The following SLC35F1 variants were observed in gnomAD, a reference collection of about 807,000 sequenced individuals.
The protein encoded by SLC35F1 is chromosome 6 open reading frame 169.
SLC35F1 carries 14 observed loss-of-function variants against 48.7 expected under a neutral mutation model. That is an observed-to-expected ratio of 0.29 (90% CI 0.19 to 0.45). The LOEUF (loss-of-function observed/expected upper bound fraction) is 0.45, where lower values mean the gene tolerates loss of function less well. Ranked by LOEUF, SLC35F1 falls within the 20% of genes least tolerant of loss-of-function variation. SLC35F1 has a pLI of 1.00. For missense variants in SLC35F1, 404 were observed against 500.0 expected, an observed-to-expected ratio of 0.81 and a Z score of 1.83; for synonymous variants, 190 against 202.2, an observed-to-expected ratio of 0.94 and a Z score of 0.51.
intron 7 of SLC35F1, among the ~76,000 whole-genome samples, chr6:118,286,200 AAAG>A (rs1776047156): frequency 6.6e-6 from 1 of 152,326 alleles, no homozygotes; most frequent in East Asian, 1.9e-4. Context: ...TGGATAGCTG[AAAG>A]AAGAAGAGGC....
At chr6:118,066,334 A>G (rs1772613086) in intron 1 of SLC35F1, among the ~76,000 whole-genome samples, 1 of 152,188 alleles carries the variant, frequency 6.6e-6, no homozygotes, top group African/African-American at 2.4e-5. Context: ...ACGTCCTTTA[A>G]CACTGCTTTA....
chr6:117,917,673 A>C (rs1489861363), intron 1 of SLC35F1, among the ~76,000 whole-genome samples: 2 of 152,142 alleles, frequency 1.3e-5, no homozygotes, highest in African/African-American at 4.8e-5. Context: ...GGAATTAAAG[A>C]GTTTACTTTG....
rs189997267 is a variant in SLC35F1 at position 118,213,429 on chromosome 6, G to A, written c.350-22080G>A. ...TGGAGTATAAATTCATATACTTTGG[G>A]GAGTTACTTGGTTCAACTAGAATGT... On this transcript the variant is annotated intron_variant, in intron 2 of 7. Coordinates refer to ENST00000360388, the MANE Select transcript of SLC35F1 (RefSeq NM_001029858.4). Among the ~76,000 whole-genome samples, 6 of 152,238 alleles carry A rather than the reference G, an allele frequency of 3.9e-5. No individual in the cohort carries two copies. The East Asian group carries it at 9.6e-4, about 24-fold the overall frequency.
chr6:117,950,241 A>G (rs905679744), intron 1 of SLC35F1, among the ~76,000 whole-genome samples: 2 of 152,160 alleles, frequency 1.3e-5, no homozygotes, highest in African/African-American at 4.8e-5. Context: ...GGGGGCCCAT[A>G]CATCTAGCAA....
chr6:117,919,390 T>G, intron 1 of SLC35F1, among the ~76,000 whole-genome samples: 1 of 152,232 alleles, frequency 6.6e-6, no homozygotes, highest in East Asian at 1.9e-4. Flanking sequence ...GAATTTTACA[T>G]GCAATAACAT....
rs967949797 is a variant in SLC35F1, at chr6:118,237,284, A to G, written c.477+1648A>G. 4.0e-5 allele frequency among the ~76,000 whole-genome samples: 6 copies of G among 151,726 alleles called. No homozygotes were observed. The Middle Eastern group carries it at 0.01, about 258-fold the overall frequency. ...CATCACCTAGGACTCCCCCAGTTAC[A>G]TTTTCTTTATTTTGCGCAAGACCTC... On this transcript the variant is annotated intron_variant, in intron 3 of 7. Coordinates refer to ENST00000360388, the MANE Select transcript of SLC35F1 (RefSeq NM_001029858.4).
At chr6:118,146,443 G>A (rs1773974453) in intron 1 of SLC35F1, among the ~76,000 whole-genome samples, 1 of 152,106 alleles carries the variant, frequency 6.6e-6, no homozygotes, top group Non-Finnish European at 1.5e-5. Context: ...CCCTGCTTCT[G>A]AGACAGTAGG....
chr6:118,302,152 G>A (rs1776260341), intron 7 of SLC35F1, among the ~76,000 whole-genome samples: 1 of 152,104 alleles, frequency 6.6e-6, no homozygotes, highest in African/African-American at 2.4e-5. Context: ...ACACAATGCT[G>A]TGAAATATCT....
chr6:118,150,459 T>C (rs1007661676), intron 1 of SLC35F1, among the ~76,000 whole-genome samples: 2 of 152,186 alleles, frequency 1.3e-5, no homozygotes, highest in African/African-American at 4.8e-5. Context: ...ATATAACTAA[T>C]CTGTCATTTA....
intron 1 of SLC35F1, among the ~76,000 whole-genome samples, chr6:117,913,316 ATTC>A (rs976727109): frequency 5.9e-5 from 9 of 152,224 alleles, no homozygotes; most frequent in African/African-American, 2.2e-4. Context: ...ATATTCATTT[ATTC>A]TTAAGCAGTA....
At chr6:117,919,451 T>C (rs1483046960) in intron 1 of SLC35F1, among the ~76,000 whole-genome samples, 1 of 152,180 alleles carries the variant, frequency 6.6e-6, no homozygotes, top group Non-Finnish European at 1.5e-5. Context: ...GTTATCCTGG[T>C]CCCAAAATTA....
intron 1 of SLC35F1, among the ~76,000 whole-genome samples, chr6:117,983,824 G>A (rs1397351782): frequency 2.6e-5 from 4 of 152,120 alleles, no homozygotes; most frequent in Non-Finnish European, 5.9e-5. Context: ...CCTTACACCT[G>A]TTGTGACTGG....
chr6:117,984,456 G>A (rs918710760), intron 1 of SLC35F1, among the ~76,000 whole-genome samples: 3 of 143,058 alleles, frequency 2.1e-5, no homozygotes, highest in Admixed American at 7.3e-5. Flanking sequence ...CCGAGATTGC[G>A]CCACTGCACT....
chr6:118,169,426 CCA>C lies in SLC35F1; in HGVS notation c.349+14809_349+14810del, dbSNP rs1356194535. Among the ~76,000 whole-genome samples the C allele has an allele frequency of 2.0e-5, 3 of 152,188 alleles. No individual in the cohort carries two copies. The East Asian group carries it at 5.8e-4, about 29-fold the overall frequency. Reference sequence around the variant, plus strand: ...GACTCAACAAATGAACTTAAAGAACCCACATTATCTCTGGTTGGAGATTAATT... The same window carrying C: ...GACTCAACAAATGAACTTAAAGAACCCATTATCTCTGGTTGGAGATTAATT... On this transcript the variant is annotated intron_variant, in intron 2 of 7. Coordinates refer to ENST00000360388, the MANE Select transcript of SLC35F1 (RefSeq NM_001029858.4).
At chr6:118,149,446 T>C (rs1774023281) in intron 1 of SLC35F1, among the ~76,000 whole-genome samples, 1 of 152,196 alleles carries the variant, frequency 6.6e-6, no homozygotes, top group South Asian at 2.1e-4. Flanking sequence ...CAGGGCAAGA[T>C]GGCAGGGCAG....
intron 1 of SLC35F1, among the ~76,000 whole-genome samples, chr6:118,153,984 C>T (rs1054650860): frequency 6.6e-6 from 1 of 152,092 alleles, no homozygotes; most frequent in Admixed American, 6.6e-5. Flanking sequence ...AAGAGTCTCC[C>T]TTTATTGGTA....
chr6:118,179,171 C>T (rs1309355281), intron 2 of SLC35F1, among the ~76,000 whole-genome samples: 1 of 151,882 alleles, frequency 6.6e-6, no homozygotes, highest in African/African-American at 2.4e-5. Context: ...AGAAACAGAA[C>T]CAATAAGAGA....
intron 1 of SLC35F1, among the ~76,000 whole-genome samples, chr6:118,019,282 C>T (rs919992205): frequency 2.0e-5 from 3 of 151,826 alleles, no homozygotes; most frequent in African/African-American, 7.3e-5. Context: ...TACATTTTTA[C>T]CTGATATTTT....
chr6:118,297,692 T>A (rs1463645950), intron 7 of SLC35F1, among the ~76,000 whole-genome samples: 14,915 of 141,626 alleles, frequency 0.11, 1,238 homozygotes, highest in African/African-American at 0.2. Flanking sequence ...AAATATATAT[T>A]ATATATATAA....
Sources: allele counts gnomAD v4.1 joint callset (sites outside exome capture counted in the v4.1 genomes callset), GRCh38; gene constraint gnomAD v4.1.1; transcripts MANE v1.5; gene names NCBI Gene and HGNC (gene_info 2026-07-23, HGNC 2026-07-21).